Variants in FBXO28 observed in about 807,000 individuals in gnomAD.
FBXO28 encodes the protein F-box protein 28.
Under a neutral mutation model 38.1 loss-of-function variants are expected in FBXO28, and 8 were observed. The observed-to-expected ratio is 0.21, with a 90% CI of 0.12 to 0.38. The LOEUF is 0.38. Ranked by LOEUF, FBXO28 falls within the 10% of genes least tolerant of loss-of-function variation. The pLI, the probability that FBXO28 is intolerant of heterozygous loss-of-function variation, is 1.00. For missense variants in FBXO28, 345 were observed against 460.6 expected (o/e 0.75, Z 2.30); for synonymous variants, 168 against 173.8 (o/e 0.97, Z 0.26).
At chr1:224,121,901 G>A (rs1048654717) in intron 1 of FBXO28, among the ~76,000 whole-genome samples, 4 of 152,110 alleles carry the variant, frequency 2.6e-5, no homozygotes, top group Non-Finnish European at 5.9e-5. Context: ...CCAGCCTCCC[G>A]AGTAGCTGGG....
chr1:224,144,121 T>C (rs1348249005), intron 3 of FBXO28, among the ~76,000 whole-genome samples: 3 of 141,878 alleles, frequency 2.1e-5, no homozygotes, highest in African/African-American at 8.0e-5. Context: ...GCCACTGTAC[T>C]CCAGCCTGGG....
intron 1 of FBXO28, among the ~76,000 whole-genome samples, chr1:224,123,281 T>C (rs1014452975): frequency 6.6e-6 from 1 of 151,876 alleles, no homozygotes; most frequent in Non-Finnish European, 1.5e-5. Context: ...CAGTGGTTCA[T>C]GCCTGTAATC....
chr1:224,142,761 C>A (rs1179412725), intron 3 of FBXO28, among the ~76,000 whole-genome samples: 1 of 151,968 alleles, frequency 6.6e-6, no homozygotes, highest in African/African-American at 2.4e-5. Flanking sequence ...CCGGCCTGGG[C>A]AACATGGTGA....
chr1:224,123,715 CATT>C (rs1410450916), intron 1 of FBXO28, among the ~76,000 whole-genome samples: 1 of 152,084 alleles, frequency 6.6e-6, no homozygotes, highest in African/African-American at 2.4e-5. Flanking sequence ...AATGCTAAGA[CATT>C]ATATATCGTA....
At chr1:224,139,466 G>A (rs1015901300) in intron 3 of FBXO28, among the ~76,000 whole-genome samples, 38 of 151,642 alleles carry the variant, frequency 2.5e-4, no homozygotes, top group African/African-American at 8.8e-4. Flanking sequence ...CATTTTGGCC[G>A]AGCACAGTGG....
chr1:224,114,860 C>G (rs1656610121), intron 1 of FBXO28, among the ~76,000 whole-genome samples: 1 of 152,208 alleles, frequency 6.6e-6, no homozygotes, highest in African/African-American at 2.4e-5. Context: ...GTTCCCCACC[C>G]CAACCACCCA....
chr1:224,142,044 ATTTT>A (rs33975517), intron 3 of FBXO28, among the ~76,000 whole-genome samples: 3 of 149,886 alleles, frequency 2.0e-5, no homozygotes, highest in Non-Finnish European at 4.4e-5. Flanking sequence ...GGCACATTAA[ATTTT>A]TTTTTTTTTT....
rs1248290543 is a variant in FBXO28, at chr1:224,157,213, C to T, written c.713-139C>T. The T allele has an allele frequency of 7.7e-6, 8 of 1,032,488 alleles. No homozygotes were observed. In the East Asian group the frequency reaches 1.8e-4, roughly 24 times the overall value. 64.0% of individuals were successfully genotyped at this position (1,032,488 alleles called of 1,614,324 possible). A position where few individuals can be genotyped will look rare whatever the true frequency, so the allele number is the denominator to read the frequency against. On this transcript the variant is annotated intron_variant, in intron 4 of 4. Coordinates refer to ENST00000366862, the MANE Select transcript of FBXO28 (RefSeq NM_015176.4). ...AGGTGTTAAATTATGATGATTAACC[C>T]AACTGACCAAATGGATTGCAAAGAA... is the stretch of plus-strand genomic sequence containing the variant.
intron 3 of FBXO28, among the ~76,000 whole-genome samples, chr1:224,145,282 A>C (rs960551054): frequency 2.5e-5 from 3 of 118,980 alleles, no homozygotes; most frequent in African/African-American, 1.0e-4. Flanking sequence ...CAACAGAGCA[A>C]GACTACATCT....
At chr1:224,121,782 T>G (rs960440842) in intron 1 of FBXO28, among the ~76,000 whole-genome samples, 4 of 152,000 alleles carry the variant, frequency 2.6e-5, no homozygotes, top group Non-Finnish European at 5.9e-5. Flanking sequence ...AATAGAATTT[T>G]TTTTTTTTAG....
intron 2 of FBXO28, among the ~76,000 whole-genome samples, chr1:224,133,206 G>A (rs1215797951): frequency 1.3e-5 from 2 of 152,212 alleles, no homozygotes; most frequent in African/African-American, 4.8e-5. Flanking sequence ...AGTATTGCCA[G>A]GGGCTGGGAG....
chr1:224,154,667 G>T (rs893948072), intron 4 of FBXO28, among the ~76,000 whole-genome samples: 1 of 152,174 alleles, frequency 6.6e-6, no homozygotes, highest in African/African-American at 2.4e-5. Flanking sequence ...AATTAGCTGG[G>T]CGCGGTGGTG....
intron 1 of FBXO28, among the ~76,000 whole-genome samples, chr1:224,121,081 C>T (rs1656760959): frequency 6.6e-6 from 1 of 151,702 alleles, no homozygotes; most frequent in South Asian, 2.1e-4. Flanking sequence ...AAAGAAAACT[C>T]TTAGGAGTTA....
chr1:224,159,851 A>G lies in FBXO28; in HGVS notation c.*2105A>G, dbSNP rs527429039. 1 of 152,314 alleles carries G rather than the reference A, an allele frequency of 6.6e-6. No individual in the cohort carries two copies. The highest frequency in any genetic ancestry group is 2.4e-5 in the African/African-American group (1 of 41,582). The allele number at this position is 152,314 out of a possible 1,614,324, so 9.4% of individuals were successfully genotyped here. A position where few individuals can be genotyped will look rare whatever the true frequency, so the allele number is the denominator to read the frequency against. On this transcript the variant is annotated 3_prime_UTR_variant, in exon 5 of 5. Coordinates refer to ENST00000366862, the MANE Select transcript of FBXO28 (RefSeq NM_015176.4). ...TTTCCTGAATTTCTTTTTAAACTAC[A>G]TCTAGATAGCCTAAACATCTATGTA... is the stretch of plus-strand genomic sequence containing the variant.
intron 1 of FBXO28, among the ~76,000 whole-genome samples, chr1:224,119,356 C>A (rs1333838025): frequency 2.0e-5 from 3 of 151,284 alleles, no homozygotes; most frequent in Non-Finnish European, 4.4e-5. Flanking sequence ...CCAGGATGGT[C>A]TCGATCTCCC....
chr1:224,133,611 G>A (rs1021482822), intron 2 of FBXO28, among the ~76,000 whole-genome samples: 5 of 152,020 alleles, frequency 3.3e-5, no homozygotes, highest in Non-Finnish European at 5.9e-5. Context: ...TCCGACGCCC[G>A]GGTTCAAGCG....
intron 1 of FBXO28, among the ~76,000 whole-genome samples, chr1:224,129,439 A>G (rs1656984584): frequency 6.6e-6 from 1 of 152,200 alleles, no homozygotes; most frequent in African/African-American, 2.4e-5. Context: ...AATAAGTAAT[A>G]ATTCTCATTC....
chr1:224,145,293 CAAAAAAAAAA>C (rs3035404), intron 3 of FBXO28, among the ~76,000 whole-genome samples: 4 of 73,566 alleles, frequency 5.4e-5, no homozygotes, highest in Non-Finnish European at 7.2e-5. Context: ...GACTACATCT[CAAAAAAAAAA>C]AAAAAAAAAA....
At position 224,153,272 on chromosome 1, in the gene FBXO28, T is replaced by A; in HGVS notation, c.647T>A (p.Val216Asp). ...ATGGAGTACTTTGATGAAAAGATTG[T>A]TCCAATTTTAAAGAGGAAATTACCA... is the stretch of plus-strand genomic sequence containing the variant. ...MAMEYFDEKI[V>D]PILKRKLPGS... The change falls in exon 4 of 5, where the codon GTT becomes GAT. Residue 216 changes from valine (V) to aspartate (D), a missense_variant. This residue lies in a region of FBXO28 where 151 missense variants were observed against 188.3 expected (regional missense o/e 0.80). Transcript: ENST00000366862. The A allele has an allele frequency of 1.2e-6, 2 of 1,611,498 alleles. No individual in the cohort carries two copies. The highest frequency in any genetic ancestry group is 1.7e-6 in the Non-Finnish European group (2 of 1,179,046).
Sources: allele counts gnomAD v4.1 joint callset (sites outside exome capture counted in the v4.1 genomes callset), GRCh38; gene constraint gnomAD v4.1.1; regional missense constraint gnomAD v4.1.1; transcripts MANE v1.5; gene names NCBI Gene and HGNC (gene_info 2026-07-23, HGNC 2026-07-21).